The following C11orf65 variants were observed in gnomAD, a reference collection of about 807,000 sequenced individuals.
C11orf65 encodes the protein protein MFI.
A neutral mutation model predicts 35.3 loss-of-function variants in C11orf65; 38 were observed. The ratio of observed to expected loss-of-function variants is 1.08; its 90% CI spans 0.83 to 1.41. The LOEUF (loss-of-function observed/expected upper bound fraction) is 1.41. Among genes scored for constraint, C11orf65 ranks in the 40% most tolerant of loss-of-function variants. The pLI is 0.00. For missense variants in C11orf65, 370 were observed against 367.1 expected, an observed-to-expected ratio of 1.01 and a Z score of -0.06; for synonymous variants, 105 against 114.4, an observed-to-expected ratio of 0.92 and a Z score of 0.53.
chr11:108,391,897 G>T (rs1044228165), intron 7 of C11orf65, among the ~76,000 whole-genome samples: 2 of 152,048 alleles, frequency 1.3e-5, no homozygotes, highest in Non-Finnish European at 2.9e-5. Flanking sequence ...TCAATGTTAT[G>T]GCATAGATCA....
chr11:108,328,496 T>C (rs1565525525), downstream of C11orf65, among the ~76,000 whole-genome samples: 1 of 152,216 alleles, frequency 6.6e-6, no homozygotes, highest in Non-Finnish European at 1.5e-5. Context: ...TCCACCTGCC[T>C]CGGCCTCCCA....
chr11:108,328,337 C>T (rs1413865185), downstream of C11orf65, among the ~76,000 whole-genome samples: 1 of 152,200 alleles, frequency 6.6e-6, no homozygotes, highest in African/African-American at 2.4e-5. Flanking sequence ...ACCTCTGCCT[C>T]CTGGGTTCAA....
chr11:108,343,455 C>A, intron 2 of C11orf65: 1 of 1,520,532 alleles, frequency 6.6e-7, no homozygotes, highest in Non-Finnish European at 9.0e-7. Context: ...TTATAGAATA[C>A]AAAAAAACTT....
rs2089550089 is a variant in C11orf65, at chr11:108,354,013, T to G, written c.227-18721A>C. On this transcript the variant is annotated intron_variant, in intron 2 of 3. Transcript: ENST00000524755. ...GGAGGATTGTTTGAGCCCAGGAGTT[T>G]GAGTCCAGCCTAGGCAATACAGCAA... 1.7e-5 allele frequency: 14 copies of G among 837,364 alleles called. No individual in the cohort carries two copies. In the South Asian group the frequency reaches 1.9e-4, roughly 12 times the overall value. The allele number at this position is 837,364 out of a possible 1,614,324, so 51.9% of individuals were successfully genotyped here.
rs1591776885 is a variant in C11orf65, at chr11:108,315,871, T to C, written c.641-6800A>G. ...AAGTATAGGGGAGCCAGATAGTTTG[T>C]ATGGCTGTGGTGGAGGGAAGATGTT... is the stretch of plus-strand genomic sequence containing the variant. On this transcript the variant is annotated intron_variant, in intron 6 of 6. Transcript: ENST00000525729. 1 of 1,613,554 alleles carries C rather than the reference T, an allele frequency of 6.2e-7. No homozygotes were observed. The highest frequency in any genetic ancestry group is 8.5e-7 in the Non-Finnish European group (1 of 1,179,452).
intron 3 of C11orf65, among the ~76,000 whole-genome samples, chr11:108,428,688 GCGTTAGGAGAAATACCTAATGTAGATGAC>G (rs1327462977): frequency 1.3e-5 from 2 of 152,154 alleles, no homozygotes; most frequent in East Asian, 3.8e-4. Flanking sequence ...AGGAGGGATA[GCGTTAGGAGAAATACCTAATGTAGATGAC>G]AGGTTGATGG....
intron 2 of C11orf65, among the ~76,000 whole-genome samples, chr11:108,336,838 C>A (rs2086910509): frequency 6.6e-6 from 1 of 152,130 alleles, no homozygotes; most frequent in Non-Finnish European, 1.5e-5. Context: ...TCATCTTTGA[C>A]TCTTATATTA....
intron 1 of C11orf65, among the ~76,000 whole-genome samples, chr11:108,466,045 A>G (rs530468604): frequency 6.6e-6 from 1 of 152,180 alleles, no homozygotes; most frequent in South Asian, 2.1e-4. Context: ...GTTAAAATGT[A>G]CCATCCAGTA....
At chr11:108,363,568 A>G (rs1027529731) in intron 2 of C11orf65, among the ~76,000 whole-genome samples, 1 of 152,150 alleles carries the variant, frequency 6.6e-6, no homozygotes, top group Non-Finnish European at 1.5e-5. Flanking sequence ...TAGTATTGGC[A>G]TCTACTGGGT....
chr11:108,379,638 A>G (rs146160956), downstream of C11orf65, among the ~76,000 whole-genome samples: 3 of 151,762 alleles, frequency 2.0e-5, no homozygotes, highest in African/African-American at 7.3e-5. Context: ...ATAATAAAAT[A>G]AAATTAAAAA....
chr11:108,453,378 T>C (rs1215029016), intron 2 of C11orf65, among the ~76,000 whole-genome samples: 2 of 151,080 alleles, frequency 1.3e-5, no homozygotes, highest in Admixed American at 1.3e-4. Flanking sequence ...AACAGCAAGA[T>C]GGTAGCCTTA....
intron 2 of C11orf65, among the ~76,000 whole-genome samples, chr11:108,440,111 G>A (rs1222923740): frequency 6.6e-6 from 1 of 152,178 alleles, no homozygotes; most frequent in Non-Finnish European, 1.5e-5. Context: ...GAGTTAACAT[G>A]TTATGAGCTT....
chr11:108,386,088 T>C, intron 7 of C11orf65, 113 bp from the exon 8 acceptor site: 1 of 832,948 alleles, frequency 1.2e-6, no homozygotes, highest in East Asian at 2.5e-5. Flanking sequence ...GCATGTTCAC[T>C]AGCCTCCATG....
intron 3 of C11orf65, among the ~76,000 whole-genome samples, chr11:108,413,239 T>C (rs1010878562): frequency 6.6e-6 from 1 of 152,228 alleles, no homozygotes; most frequent in Admixed American, 6.5e-5. Context: ...TTTTGTTACA[T>C]GCATAGAATG....
Position 108,345,913 on chromosome 11 carries a change from T to C in C11orf65, c.227-10621A>G, listed in dbSNP as rs577897927. ...GTGTAGCTACTTCTTCTATTGGTAATCTTCTTGTACATATAGTAGATTGAG... is the reference window on the plus strand; with the variant it reads ...GTGTAGCTACTTCTTCTATTGGTAACCTTCTTGTACATATAGTAGATTGAG... On this transcript the variant is annotated intron_variant, in intron 2 of 3. Transcript: ENST00000524755. 1 of 1,613,574 alleles carries C rather than the reference T, an allele frequency of 6.2e-7. No individual in the cohort carries two copies. Among genetic ancestry groups the C allele is most frequent in the South Asian group, 1.1e-5 (1 of 91,066 alleles).
At chr11:108,315,484 T>C (rs1209564503) in intron 6 of C11orf65, among the ~76,000 whole-genome samples, 1 of 152,170 alleles carries the variant, frequency 6.6e-6, no homozygotes, top group Non-Finnish European at 1.5e-5. Context: ...AGACTAGTTG[T>C]ACATTTATTT....
At chr11:108,442,506 C>T (rs570058571) in intron 2 of C11orf65, among the ~76,000 whole-genome samples, 4 of 152,128 alleles carry the variant, frequency 2.6e-5, no homozygotes, top group African/African-American at 9.6e-5. Context: ...GAAGAGCAAT[C>T]CCAAGACACA....
intron 2 of C11orf65, among the ~76,000 whole-genome samples, chr11:108,443,925 C>A (rs1258760051): frequency 6.6e-6 from 1 of 151,824 alleles, no homozygotes; most frequent in South Asian, 2.1e-4. Context: ...GAAGCAAGAG[C>A]AAAAACATTC....
chr11:108,452,254 C>G (rs1474046616), intron 2 of C11orf65, among the ~76,000 whole-genome samples: 7 of 152,062 alleles, frequency 4.6e-5, no homozygotes, highest in Non-Finnish European at 8.8e-5. Context: ...CCAATCTACC[C>G]ATATGACAAA....
Sources: gnomAD v4.1 joint callset for allele counts (sites outside exome capture counted in the v4.1 genomes callset) on GRCh38, gnomAD v4.1.1 for gene constraint, MANE v1.5 for transcripts, NCBI Gene and HGNC (gene_info 2026-07-23, HGNC 2026-07-21) for gene names.